DNAH5: variants seen among roughly 807,000 people sequenced by gnomAD.
DNAH5 encodes the protein axonemal beta dynein heavy chain 5.
Under a neutral mutation model 518.2 loss-of-function variants are expected in DNAH5, and 372 were observed. The ratio of observed to expected loss-of-function variants is 0.72; its 90% CI spans 0.66 to 0.78. DNAH5 has a LOEUF of 0.78. Among genes scored for constraint, DNAH5 ranks in the 30% least tolerant of loss-of-function variants. The pLI, the probability that DNAH5 is intolerant of heterozygous loss-of-function variation, is 0.00. For missense variants in DNAH5, 5,523 were observed against 5,687.0 expected (o/e 0.97, Z 0.93); for synonymous variants, 2,039 against 2,025.9 (o/e 1.01, Z -0.17).
intron 76 of DNAH5, among the ~76,000 whole-genome samples, chr5:13,705,738 A>G (rs536999748): frequency 8.5e-5 from 13 of 152,326 alleles, no homozygotes; most frequent in African/African-American, 2.9e-4. Flanking sequence ...CTAATCCAGT[A>G]TGTTGCTGTC....
intron 65 of DNAH5, among the ~76,000 whole-genome samples, chr5:13,740,695 T>C (rs954857551): frequency 6.6e-6 from 1 of 152,182 alleles, no homozygotes; most frequent in South Asian, 2.1e-4. Context: ...CCTCAGGGCC[T>C]CTGCATTAGC....
At chr5:13,874,127 C>G (rs1203524949) in intron 22 of DNAH5, among the ~76,000 whole-genome samples, 1 of 152,130 alleles carries the variant, frequency 6.6e-6, no homozygotes. Context: ...ACTGCCTATC[C>G]CAACCACAAA....
In DNAH5 at chr5:13,841,675, A is replaced by G. The variant is rs16902828; in HGVS notation, c.5484+17T>C. 1.6e-3 allele frequency: 2,562 copies of G among 1,589,422 alleles called. 35 individuals carry two copies. The African/African-American group carries it at 0.031, about 19-fold the overall frequency. On this transcript the variant is annotated intron_variant, in intron 33 of 78. Coordinates refer to ENST00000265104, the MANE Select transcript of DNAH5 (RefSeq NM_001369.3). ...GACTATTTTACAAAACATACTTTCA[A>G]ATTTCAATACACTGACCTGAGCAGG...
intron 14 of DNAH5, 162 bp from the exon 15 acceptor site, chr5:13,900,574 C>T (rs1774469503): frequency 3.0e-6 from 2 of 663,030 alleles, no homozygotes; most frequent in Non-Finnish European, 5.3e-6. Context: ...TAAATCCAGT[C>T]TCATACAATA....
intron 25 of DNAH5, among the ~76,000 whole-genome samples, chr5:13,867,412 C>G (rs553904532): frequency 7.9e-5 from 12 of 152,136 alleles, no homozygotes; most frequent in Non-Finnish European, 1.8e-4. Flanking sequence ...CTTCGCTCAG[C>G]ATTCTCCTTC....
intron 1 of DNAH5, among the ~76,000 whole-genome samples, chr5:13,992,685 C>T (rs1783642501): frequency 1.3e-5 from 2 of 152,160 alleles, no homozygotes; most frequent in African/African-American, 2.4e-5. Context: ...GAACAACTAT[C>T]GAGTGATCGG....
chr5:13,914,029 G>A, intron 10 of DNAH5, 71 bp from the exon 11 acceptor site: 2 of 1,543,882 alleles, frequency 1.3e-6, no homozygotes, highest in Non-Finnish European at 8.8e-7. Context: ...TTAAGTGAAG[G>A]CGACAGCAAA....
chr5:14,000,521 CT>C (rs1282803054), intron 1 of DNAH5, among the ~76,000 whole-genome samples: 2 of 151,870 alleles, frequency 1.3e-5, no homozygotes, highest in Admixed American at 1.3e-4. Flanking sequence ...TGTTTGTTGG[CT>C]GCTTGTATGC....
At chr5:13,892,615 C>T (rs1339387305) in intron 16 of DNAH5, among the ~76,000 whole-genome samples, 3 of 152,120 alleles carry the variant, frequency 2.0e-5, no homozygotes, top group Non-Finnish European at 4.4e-5. Context: ...AAACTAGTTC[C>T]TTGTCTCCAG....
At chr5:13,925,287 A>T (rs975770511) in intron 3 of DNAH5, among the ~76,000 whole-genome samples, 2 of 152,182 alleles carry the variant, frequency 1.3e-5, no homozygotes, top group African/African-American at 2.4e-5. Context: ...AGGAAAAAAA[A>T]ATCTGCAGAA....
chr5:13,917,560 A>C (rs1307889672), intron 7 of DNAH5, among the ~76,000 whole-genome samples: 1 of 152,208 alleles, frequency 6.6e-6, no homozygotes, highest in Non-Finnish European at 1.5e-5. Flanking sequence ...TGGTTAGCAG[A>C]CCCATTTGAT....
Position 13,901,235 on chromosome 5 carries a change from T to C in DNAH5, c.2052+17A>G, listed in dbSNP as rs369276405. 1.1e-3 allele frequency: 1,818 copies of C among 1,611,036 alleles called. 42 individuals carry two copies. In the South Asian group the frequency reaches 0.019, roughly 16 times the overall value. On this transcript the variant is annotated intron_variant, in intron 14 of 78. Transcript: ENST00000265104. Reference sequence around the variant, plus strand: ...CATGATTCCAACAATGGGAAGAGTATAAATTTAGGGACTCACTTGCCGAAG... The same window carrying C: ...CATGATTCCAACAATGGGAAGAGTACAAATTTAGGGACTCACTTGCCGAAG...
chr5:13,989,482 C>CTTTT (rs34462296), intron 1 of DNAH5, among the ~76,000 whole-genome samples: 5 of 128,820 alleles, frequency 3.9e-5, no homozygotes, highest in African/African-American at 5.8e-5. Context: ...TAGAGGGAGA[C>CTTTT]TTTTTTTTTT....
chr5:13,721,242 G>T lies in DNAH5; in HGVS notation c.12037C>A (p.Arg4013Ser). The T allele has an allele frequency of 6.2e-7, 1 of 1,613,986 alleles. No individual in the cohort carries two copies. The highest frequency in any genetic ancestry group is 8.5e-7 in the Non-Finnish European group (1 of 1,179,964). ...CCCATGGAGTCCACGATGTACTTGC[G>T]GGCCTGCCAAAAACAGTATACAAGT... ...WCPDRTIAQARKYIVDSMGEK... is the reference protein window; with the variant it reads ...WCPDRTIAQASKYIVDSMGEK... The change falls in exon 71 of 79, where the codon CGC (arginine) becomes AGC (serine). Residue 4013 changes from arginine (R) to serine (S), a missense_variant. This residue lies in a region of DNAH5 where 5,121 missense variants were observed against 5,223.3 expected (regional missense o/e 0.98). Transcript: ENST00000265104.
chr5:13,690,735 AAC>A lies in DNAH5; in HGVS notation c.*1247_*1248del. On this transcript the variant is annotated 3_prime_UTR_variant, in exon 79 of 79. Coordinates refer to ENST00000265104, the MANE Select transcript of DNAH5 (RefSeq NM_001369.3). ...GTAGGTTAGATGAAGAATTATTAAT[AAC>A]ATCTAACCAGAATTTAAAGAAAAAT... 1 of 152,360 alleles carries A rather than the reference AAC, an allele frequency of 6.6e-6. No individual in the cohort carries two copies. The highest frequency in any genetic ancestry group is 1.5e-5 in the Non-Finnish European group (1 of 68,034). 9.4% of individuals were successfully genotyped at this position (152,360 alleles called of 1,614,324 possible).
At chr5:13,727,460 T>C in intron 70 of DNAH5, 47 bp downstream of exon 70, 1 of 1,531,916 alleles carries the variant, frequency 6.5e-7, no homozygotes, top group Non-Finnish European at 8.9e-7. Context: ...AAGAAAATTC[T>C]CTTTAAAAAT....
chr5:13,695,702 G>C (rs573144661), intron 78 of DNAH5, among the ~76,000 whole-genome samples: 5 of 152,236 alleles, frequency 3.3e-5, no homozygotes, highest in African/African-American at 1.2e-4. Context: ...TTGTTGTAAA[G>C]ATTAAATAAG....
chr5:13,848,216 T>G (rs1162615344), intron 31 of DNAH5, among the ~76,000 whole-genome samples: 1 of 152,226 alleles, frequency 6.6e-6, no homozygotes, highest in African/African-American at 2.4e-5. Flanking sequence ...TCCCTAAGAC[T>G]CCATTTTTCT....
chr5:13,766,115 C>T lies in DNAH5; in HGVS notation c.9962G>A (p.Arg3321Gln), dbSNP rs750927507. The change falls in exon 59 of 79, where the codon CGG becomes CAG. Residue 3321 changes from arginine to glutamine, a missense_variant. Around this residue, in one of 3 missense-constraint regions of DNAH5, gnomAD observed 5,121 missense variants for 5,223.3 expected, o/e 0.98. Transcript: ENST00000265104. ...TLGRPPHLIMRIMDCVLLLFQ... is the reference protein window; with the variant it reads ...TLGRPPHLIMQIMDCVLLLFQ... ...CAGCAGCAGTACGCAATCCATGATC[C>T]GCATGATGAGGTGAGGGGGGCGGCC... 4.3e-6 allele frequency: 7 copies of T among 1,614,046 alleles called. No individual in the cohort carries two copies. The highest frequency in any genetic ancestry group is 3.3e-5 in the South Asian group (3 of 91,090).
Sources: gnomAD v4.1 joint callset for allele counts (sites outside exome capture counted in the v4.1 genomes callset) on GRCh38, gnomAD v4.1.1 for gene constraint, gnomAD v4.1.1 regional missense constraint, MANE v1.5 for transcripts, NCBI Gene and HGNC (gene_info 2026-07-23, HGNC 2026-07-21) for gene names.